The following KRIT1 variants were observed in gnomAD, a reference collection of about 807,000 sequenced individuals.
KRIT1 encodes krev interaction trapped protein 1.
A neutral mutation model predicts 95.8 loss-of-function variants in KRIT1; 45 were observed. The ratio of observed to expected loss-of-function variants is 0.47; its 90% CI spans 0.37 to 0.60. The LOEUF (loss-of-function observed/expected upper bound fraction) is 0.60. Ranked by LOEUF, KRIT1 falls within the 20% of genes least tolerant of loss-of-function variation. The pLI, the probability that KRIT1 is intolerant of heterozygous loss-of-function variation, is 0.00. For synonymous variants in KRIT1, 282 were observed against 278.8 expected (o/e 1.01, Z -0.11); for missense variants, 788 against 877.5 (o/e 0.90, Z 1.29).
intron 18 of KRIT1, 58 bp from the exon 19 acceptor site, chr7:92,200,862 A>AT: frequency 8.6e-7 from 1 of 1,165,548 alleles, no homozygotes; most frequent in South Asian, 1.3e-5. Flanking sequence ...TTTAAAGGAC[A>AT]TTCATGACAT....
chr7:92,204,943 G>GT (rs1158424494), intron 17 of KRIT1, among the ~76,000 whole-genome samples: 2 of 152,076 alleles, frequency 1.3e-5, no homozygotes, highest in African/African-American at 2.4e-5. Context: ...ATTCACGTGT[G>GT]TATCTATCAA....
intron 17 of KRIT1, among the ~76,000 whole-genome samples, chr7:92,211,327 A>C (rs944891186): frequency 1.3e-5 from 2 of 152,232 alleles, no homozygotes; most frequent in Non-Finnish European, 2.9e-5. Flanking sequence ...GCACAATGAA[A>C]TATTATTCAG....
rs574026874 is a variant in KRIT1, at chr7:92,222,803, A to G, written c.1411+19T>C. 4 of 1,499,724 alleles carry G rather than the reference A, an allele frequency of 2.7e-6. No homozygotes were observed. The highest frequency in any genetic ancestry group is 4.5e-5 in the East Asian group (2 of 44,250). 92.9% of individuals were successfully genotyped at this position (1,499,724 alleles called of 1,614,324 possible). Reference sequence around the variant, plus strand: ...AAGGAATAATGAGGTTTACTATAACATAATAAAAACTTTCTTACTGAGGTT... The same window carrying G: ...AAGGAATAATGAGGTTTACTATAACGTAATAAAAACTTTCTTACTGAGGTT... On this transcript the variant is annotated intron_variant, in intron 13 of 18. Coordinates refer to ENST00000394505, the MANE Select transcript of KRIT1 (RefSeq NM_194454.3).
intron 14 of KRIT1, among the ~76,000 whole-genome samples, chr7:92,220,688 C>CTTTTTTTTTTTT (rs960417752): frequency 4.0e-5 from 4 of 98,956 alleles, no homozygotes; most frequent in Admixed American, 1.3e-4. Context: ...ATTCATCCTT[C>CTTTTTTTTTTTT]TTTTTTTTTT....
At chr7:92,236,232 G>A (rs1798407726) in intron 7 of KRIT1, 181 bp downstream of exon 7, 2 of 533,886 alleles carry the variant, frequency 3.7e-6, no homozygotes, top group Non-Finnish European at 6.6e-6. Context: ...CTGTACCCAG[G>A]CCAGGACAAC....
At chr7:92,234,408 T>A (rs1190798375) in intron 10 of KRIT1, 41 bp downstream of exon 10, 3 of 1,426,682 alleles carry the variant, frequency 2.1e-6, no homozygotes, top group Non-Finnish European at 3.0e-6. Context: ...TAATAAAAAA[T>A]GTATTCTTTC....
chr7:92,209,076 G>A (rs1792200873), intron 17 of KRIT1, among the ~76,000 whole-genome samples: 2 of 151,826 alleles, frequency 1.3e-5, no homozygotes, highest in Non-Finnish European at 2.9e-5. Flanking sequence ...TCAATAGAAT[G>A]AAGGACAAAA....
At chr7:92,210,074 AAATC>A (rs895472236) in intron 17 of KRIT1, among the ~76,000 whole-genome samples, 5 of 152,316 alleles carry the variant, frequency 3.3e-5, no homozygotes, top group South Asian at 2.1e-4. Flanking sequence ...CTCTATCTCA[AAATC>A]AATCAATCAA....
intron 14 of KRIT1, among the ~76,000 whole-genome samples, chr7:92,220,688 CTTTTTTTTTTTT>C (rs960417752): frequency 1.1e-4 from 11 of 98,994 alleles, no homozygotes; most frequent in South Asian, 1.1e-3. Flanking sequence ...ATTCATCCTT[CTTTTTTTTTTTT>C]TTTTTTTTTT....
chr7:92,209,032 A>G (rs959491414), intron 17 of KRIT1, among the ~76,000 whole-genome samples: 1 of 152,224 alleles, frequency 6.6e-6, no homozygotes, highest in African/African-American at 2.4e-5. Context: ...GGTGAGGATG[A>G]TTCAACATAT....
chr7:92,234,425 G>C (rs376318376), intron 10 of KRIT1, 24 bp downstream of exon 10: 20 of 1,532,654 alleles, frequency 1.3e-5, no homozygotes, highest in African/African-American at 2.7e-5. Context: ...TTTCTAAAAA[G>C]AAAAGAATAA....
chr7:92,211,941 A>C (rs114989412), intron 17 of KRIT1, among the ~76,000 whole-genome samples: 1,598 of 151,882 alleles, frequency 0.011, 25 homozygotes, highest in African/African-American at 0.037. Context: ...AGAAAACAAA[A>C]AACAACAAAA....
intron 17 of KRIT1, among the ~76,000 whole-genome samples, chr7:92,204,568 G>A (rs1473507917): frequency 6.6e-6 from 1 of 151,870 alleles, no homozygotes; most frequent in Non-Finnish European, 1.5e-5. Flanking sequence ...CCATCTGGGG[G>A]TGATGGGAGG....
intron 14 of KRIT1, 66 bp from the exon 15 acceptor site, chr7:92,214,843 A>G: frequency 9.1e-7 from 1 of 1,095,334 alleles, no homozygotes; most frequent in East Asian, 2.4e-5. Context: ...ACAACTTAAT[A>G]TGGGAAAAGC....
chr7:92,230,890 C>T (rs1444032363), intron 10 of KRIT1, among the ~76,000 whole-genome samples: 1 of 151,998 alleles, frequency 6.6e-6, no homozygotes, highest in Non-Finnish European at 1.5e-5. Context: ...AGTTTAAGTA[C>T]TTAGGAGTAG....
chr7:92,225,967 T>A, intron 11 of KRIT1, 140 bp from the exon 12 acceptor site: 1 of 623,678 alleles, frequency 1.6e-6, no homozygotes, highest in Non-Finnish European at 2.8e-6. Flanking sequence ...ACACTTGGTA[T>A]GTATTATGTT....
chr7:92,201,321 C>A lies in KRIT1; in HGVS notation c.2128G>T (p.Val710Leu), dbSNP rs771647533. ...HSMENKMSFI[V>L]HTKQAGLVVK... is the part of the protein sequence containing the mutation. ...ATGATACTTACCTGTTTTGTATGTA[C>A]TATAAAGCTCATTTTATTTTCCATG... is the stretch of plus-strand genomic sequence containing the variant. The change falls in exon 18 of 19, where the codon GTA becomes TTA. Residue 710 changes from valine to leucine, a missense_variant. Physicochemically the swap from Val to Leu is conservative, Grantham distance 32. Around this residue, in one of 3 missense-constraint regions of KRIT1, gnomAD observed 493 missense variants for 582.3 expected, o/e 0.85. Transcript: ENST00000394505. 6.8e-7 allele frequency: 1 copy of A among 1,467,628 alleles called. No individual in the cohort carries two copies. The highest frequency in any genetic ancestry group is 9.6e-7 in the Non-Finnish European group (1 of 1,046,942). The allele number at this position is 1,467,628 out of a possible 1,614,324, so 90.9% of individuals were successfully genotyped here. A position where few individuals can be genotyped will look rare whatever the true frequency, so the allele number is the denominator to read the frequency against.
At chr7:92,231,416 A>G (rs1003736868) in intron 10 of KRIT1, among the ~76,000 whole-genome samples, 1 of 152,180 alleles carries the variant, frequency 6.6e-6, no homozygotes, top group Non-Finnish European at 1.5e-5. Context: ...TAATCCACAT[A>G]AACAAAAACT....
chr7:92,243,279 T>C (rs1192876561), intron 3 of KRIT1, among the ~76,000 whole-genome samples: 1 of 152,240 alleles, frequency 6.6e-6, no homozygotes, highest in African/African-American at 2.4e-5. Context: ...GTTTTCTTCA[T>C]TGAATAAATT....
Sources: gnomAD v4.1 joint callset for allele counts (sites outside exome capture counted in the v4.1 genomes callset) on GRCh38, gnomAD v4.1.1 for gene constraint, gnomAD v4.1.1 regional missense constraint, MANE v1.5 for transcripts, NCBI Gene and HGNC (gene_info 2026-07-23, HGNC 2026-07-21) for gene names.